TMEM67: variants seen among roughly 807,000 people sequenced by gnomAD.
The protein encoded by TMEM67 is transmembrane protein 67, also known as meckelin.
TMEM67 carries 124 observed loss-of-function variants against 136.6 expected under a neutral mutation model. That is an observed-to-expected ratio of 0.91 (90% CI 0.78 to 1.05). The LOEUF (loss-of-function observed/expected upper bound fraction) is 1.05, where lower values mean the gene tolerates loss of function less well. TMEM67 is among the 50% of genes least tolerant of loss of function. TMEM67 has a pLI of 0.00. For missense variants in TMEM67, 1,107 were observed against 1,178.4 expected, an observed-to-expected ratio of 0.94 and a Z score of 0.89; for synonymous variants, 364 against 390.5, an observed-to-expected ratio of 0.93 and a Z score of 0.80.
chr8:93,820,980 C>T (rs1274068832), downstream of TMEM67, among the ~76,000 whole-genome samples: 1 of 152,136 alleles, frequency 6.6e-6, no homozygotes, highest in Non-Finnish European at 1.5e-5. Context: ...GAATACATGG[C>T]TGTGGCCCAA....
chr8:93,782,518 G>T, intron 11 of TMEM67, 58 bp downstream of exon 11: 1 of 1,321,658 alleles, frequency 7.6e-7, no homozygotes. Flanking sequence ...TATCATGTCA[G>T]CAGTAATTGG....
At chr8:93,784,519 A>G (rs1586048225) in intron 11 of TMEM67, among the ~76,000 whole-genome samples, 1 of 152,252 alleles carries the variant, frequency 6.6e-6, no homozygotes, top group African/African-American at 2.4e-5. Flanking sequence ...AAACAGTTAT[A>G]TAGACAAAGA....
the TMEM67 span, among the ~76,000 whole-genome samples, chr8:93,826,200 G>T: frequency 7.3e-6 from 1 of 136,520 alleles, no homozygotes; most frequent in Non-Finnish European, 1.5e-5. Flanking sequence ...CGCTATCTCG[G>T]CTCATTGCAA....
intron 15 of TMEM67, among the ~76,000 whole-genome samples, 164 bp downstream of exon 15, chr8:93,791,483 A>T (rs988299090): frequency 6.6e-6 from 1 of 152,234 alleles, no homozygotes; most frequent in African/African-American, 2.4e-5. Context: ...TCTGGAAATT[A>T]ATATTGATGT....
At chr8:93,770,638 A>G (rs977088680) in intron 6 of TMEM67, among the ~76,000 whole-genome samples, 1 of 152,148 alleles carries the variant, frequency 6.6e-6, no homozygotes, top group Non-Finnish European at 1.5e-5. Flanking sequence ...GCAAGATATT[A>G]TATAGATGTT....
chr8:93,780,602 A>G lies in TMEM67; in HGVS notation c.724A>G (p.Asn242Asp). ...CATTGTTCTGTTGTAGGTATATGCCAATCTAACATCTTGTCAAGCTCTTGG... is the reference window on the plus strand; with the variant it reads ...CATTGTTCTGTTGTAGGTATATGCCGATCTAACATCTTGTCAAGCTCTTGG... ...SSAAACWVYANLTSCQALGNM... is the reference protein window; with the variant it reads ...SSAAACWVYADLTSCQALGNM... Residue 242 changes from asparagine (N) to aspartate (D), a missense_variant, in exon 8 of 28, where the codon AAT becomes GAT. Transcript: ENST00000453321. 1 of 1,614,138 alleles carries G rather than the reference A, an allele frequency of 6.2e-7. No individual in the cohort carries two copies. The highest frequency in any genetic ancestry group is 8.5e-7 in the Non-Finnish European group (1 of 1,180,030).
intron 7 of TMEM67, among the ~76,000 whole-genome samples, chr8:93,775,249 A>G (rs1158200836): frequency 6.6e-6 from 1 of 152,142 alleles, no homozygotes; most frequent in Non-Finnish European, 1.5e-5. Flanking sequence ...GATTCTGGAT[A>G]TTAGCCCTTT....
chr8:93,803,448 G>A (rs1375539328), intron 21 of TMEM67, among the ~76,000 whole-genome samples, 156 bp from the exon 22 acceptor site: 2 of 152,170 alleles, frequency 1.3e-5, no homozygotes, highest in African/African-American at 4.8e-5. Flanking sequence ...TGACAGAAGA[G>A]TCAGAAATGA....
chr8:93,762,471 A>G (rs1411219957), intron 3 of TMEM67, among the ~76,000 whole-genome samples: 4 of 151,164 alleles, frequency 2.6e-5, no homozygotes, highest in Non-Finnish European at 5.9e-5. Flanking sequence ...TGTTGGGATT[A>G]CAGGTGTGAG....
intron 16 of TMEM67, chr8:93,794,748 T>C (rs1209336894): frequency 6.5e-6 from 1 of 154,024 alleles, no homozygotes; most frequent in Non-Finnish European, 1.4e-5. Flanking sequence ...TGAGGCTCTA[T>C]TGTCTAAGTG....
At chr8:93,778,545 G>C (rs1339133660) in intron 7 of TMEM67, among the ~76,000 whole-genome samples, 4 of 152,154 alleles carry the variant, frequency 2.6e-5, no homozygotes, top group Admixed American at 2.0e-4. Context: ...TGTAAGGCAG[G>C]CCTGGTGGTG....
At chr8:93,762,969 C>G in intron 3 of TMEM67, 2 of 433,784 alleles carry the variant, frequency 4.6e-6, no homozygotes, top group Non-Finnish European at 9.3e-6. Context: ...CTTGCCCAGG[C>G]TGGAGTGTAG....
chr8:93,792,149 A>C (rs1814407445), intron 15 of TMEM67: 1 of 152,420 alleles, frequency 6.6e-6, no homozygotes, highest in Non-Finnish European at 1.5e-5. Flanking sequence ...GGGGTGAGCC[A>C]CCATGCCCAG....
the TMEM67 span, among the ~76,000 whole-genome samples, chr8:93,828,512 G>A: frequency 2.0e-5 from 3 of 152,170 alleles, no homozygotes; most frequent in Admixed American, 1.3e-4. Flanking sequence ...GGCCAAGGTG[G>A]GTGGATTGCT....
At chr8:93,760,083 C>A in intron 3 of TMEM67, 1 of 892,162 alleles carries the variant, frequency 1.1e-6, no homozygotes, top group Non-Finnish European at 1.5e-6. Context: ...TAGAAAGATG[C>A]AACTCTTCTA....
chr8:93,829,276 A>G, the TMEM67 span, among the ~76,000 whole-genome samples: 1 of 152,160 alleles, frequency 6.6e-6, no homozygotes, highest in African/African-American at 2.4e-5. Flanking sequence ...TTGTCACCGT[A>G]TGTCCCGAAT....
At chr8:93,755,694 T>A in intron 1 of TMEM67, 84 bp from the exon 2 acceptor site, 1 of 899,770 alleles carries the variant, frequency 1.1e-6, no homozygotes, top group Non-Finnish European at 1.7e-6. Context: ...ATCTTCAGAC[T>A]TATTAAAAGT....
intron 6 of TMEM67, among the ~76,000 whole-genome samples, chr8:93,768,697 A>G (rs1279804546): frequency 6.6e-6 from 1 of 152,088 alleles, no homozygotes; most frequent in Non-Finnish European, 1.5e-5. Context: ...TTTCCCTTTG[A>G]TAAGTTTTAA....
chr8:93,784,376 G>A (rs73694949), intron 11 of TMEM67, among the ~76,000 whole-genome samples: 2,830 of 152,236 alleles, frequency 0.019, 87 homozygotes, highest in African/African-American at 0.06. Flanking sequence ...AAATTATGCC[G>A]TGTAATTAGG....
Sources: gnomAD v4.1 joint callset for allele counts (sites outside exome capture counted in the v4.1 genomes callset) on GRCh38, gnomAD v4.1.1 for gene constraint, MANE v1.5 for transcripts, NCBI Gene and HGNC (gene_info 2026-07-23, HGNC 2026-07-21) for gene names.